Variants in ROR1 observed in about 807,000 individuals in gnomAD.
ROR1 encodes inactive tyrosine-protein kinase transmembrane receptor ROR1.
In ROR1, 19 loss-of-function variants were observed where a neutral mutation model predicts 78.8. The ratio of observed to expected loss-of-function variants is 0.24; its 90% CI spans 0.17 to 0.35. The LOEUF (loss-of-function observed/expected upper bound fraction) is 0.35, where lower values mean the gene tolerates loss of function less well. Ranked by LOEUF, ROR1 falls within the 10% of genes least tolerant of loss-of-function variation. The pLI, the probability that ROR1 is intolerant of heterozygous loss-of-function variation, is 1.00. For missense variants in ROR1, 917 were observed against 1,177.8 expected (o/e 0.78, Z 3.24); for synonymous variants, 386 against 433.6 (o/e 0.89, Z 1.36).
chr1:63,815,484 C>CTTTTTTTTTTTTTTTTTTTTTTTTTTTT (rs34749985), intron 1 of ROR1, among the ~76,000 whole-genome samples: 1 of 85,348 alleles, frequency 1.2e-5, no homozygotes, highest in Non-Finnish European at 2.2e-5. Context: ...TTTTCTTTTT[C>CTTTTTTTTTTTTTTTTTTTTTTTTTTTT]TTTTTTTTTT....
intron 1 of ROR1, among the ~76,000 whole-genome samples, chr1:63,975,193 C>T (rs1295562973): frequency 1.3e-5 from 2 of 152,064 alleles, no homozygotes; most frequent in Non-Finnish European, 2.9e-5. Context: ...AAATGGCTGG[C>T]AGAAGGAAGA....
At chr1:64,057,767 A>G (rs540334155) in intron 4 of ROR1, among the ~76,000 whole-genome samples, 1 of 152,322 alleles carries the variant, frequency 6.6e-6, no homozygotes, top group African/African-American at 2.4e-5. Flanking sequence ...AAAACTAGTC[A>G]TCACCTCTTT....
chr1:63,918,500 C>T (rs1160696969), intron 1 of ROR1, among the ~76,000 whole-genome samples: 1 of 152,180 alleles, frequency 6.6e-6, no homozygotes, highest in Non-Finnish European at 1.5e-5. Flanking sequence ...GGGCGTGGTA[C>T]TCTCTAGAGC....
intron 4 of ROR1, among the ~76,000 whole-genome samples, chr1:64,092,053 G>A (rs1050811793): frequency 1.3e-5 from 2 of 151,996 alleles, no homozygotes; most frequent in African/African-American, 2.4e-5. Flanking sequence ...TATGGTGGGT[G>A]GCGGTAGTTG....
chr1:63,881,577 A>G (rs1645323421), intron 1 of ROR1, among the ~76,000 whole-genome samples: 1 of 152,202 alleles, frequency 6.6e-6, no homozygotes, highest in African/African-American at 2.4e-5. Flanking sequence ...AATTAGTGCA[A>G]AAGACTACCT....
intron 1 of ROR1, among the ~76,000 whole-genome samples, chr1:63,836,360 A>T (rs1178338148): frequency 6.6e-6 from 1 of 152,230 alleles, no homozygotes; most frequent in African/African-American, 2.4e-5. Context: ...GGAAAAACTA[A>T]ATTTACGAAC....
At chr1:63,842,686 T>G (rs1645056312) in intron 1 of ROR1, among the ~76,000 whole-genome samples, 1 of 152,114 alleles carries the variant, frequency 6.6e-6, no homozygotes, top group Non-Finnish European at 1.5e-5. Flanking sequence ...CTCCTTCTTT[T>G]TTTTTTTAAT....
intron 1 of ROR1, among the ~76,000 whole-genome samples, chr1:63,964,179 T>C (rs1235109506): frequency 6.6e-6 from 1 of 152,168 alleles, no homozygotes; most frequent in Non-Finnish European, 1.5e-5. Flanking sequence ...TAGGGGCATA[T>C]AGCCACCTAA....
At chr1:63,832,413 G>A (rs1379190607) in intron 1 of ROR1, among the ~76,000 whole-genome samples, 1 of 152,152 alleles carries the variant, frequency 6.6e-6, no homozygotes, top group Non-Finnish European at 1.5e-5. Context: ...CTGCATGGGT[G>A]GGGAGGCCTC....
chr1:63,919,373 T>A (rs908684118), intron 1 of ROR1, among the ~76,000 whole-genome samples: 1 of 152,040 alleles, frequency 6.6e-6, no homozygotes, highest in Admixed American at 6.6e-5. Context: ...CAGCAAAAAA[T>A]TTATTTTGTC....
intron 2 of ROR1, among the ~76,000 whole-genome samples, chr1:64,035,783 G>A (rs1411033554): frequency 2.6e-5 from 4 of 152,090 alleles, no homozygotes; most frequent in Non-Finnish European, 4.4e-5. Flanking sequence ...TCTGGTTCCC[G>A]GCAGCTTTCC....
At chr1:63,809,680 C>T (rs1644849167) in intron 1 of ROR1, among the ~76,000 whole-genome samples, 1 of 152,044 alleles carries the variant, frequency 6.6e-6, no homozygotes. Flanking sequence ...TTTCTCCTTT[C>T]GATTAAAGAA....
intron 4 of ROR1, among the ~76,000 whole-genome samples, chr1:64,051,468 A>AAAAAT (rs1390841113): frequency 9.1e-5 from 12 of 132,074 alleles, no homozygotes; most frequent in Non-Finnish European, 1.6e-4. Context: ...AAAATAAAAT[A>AAAAAT]AAATAAAATA....
At position 64,003,890 on chromosome 1, in the gene ROR1, A is replaced by T. The variant is rs147865356; in HGVS notation, c.92-5415A>T. On this transcript the variant is annotated intron_variant, in intron 1 of 8. Transcript: ENST00000371079. ...TAACACTGAAAACCAACAGTCTCAA[A>T]GCCATCAGCATCTTTGACTGTTTTC... Among the ~76,000 whole-genome samples, 1,029 of 152,362 alleles carry T rather than the reference A, an allele frequency of 6.8e-3. 11 individuals carry two copies. The highest frequency in any genetic ancestry group is 0.024 in the African/African-American group (996 of 41,594).
chr1:63,821,763 C>T (rs1644924778), intron 1 of ROR1, among the ~76,000 whole-genome samples: 1 of 152,154 alleles, frequency 6.6e-6, no homozygotes, highest in African/African-American at 2.4e-5. Context: ...GCAGCTTCAG[C>T]CGTGAGGATA....
chr1:64,080,564 A>G (rs1255088167), intron 4 of ROR1, among the ~76,000 whole-genome samples: 2 of 152,230 alleles, frequency 1.3e-5, no homozygotes, highest in African/African-American at 4.8e-5. Context: ...TTCATGCTGT[A>G]GCAATAAGAA....
At chr1:64,099,929 CCT>C (rs751130290) in intron 4 of ROR1, among the ~76,000 whole-genome samples, 6 of 152,092 alleles carry the variant, frequency 3.9e-5, no homozygotes, top group Non-Finnish European at 7.4e-5. Flanking sequence ...GTGGCGCGTG[CCT>C]GTAGTCCCAG....
chr1:64,177,646 T>G lies in ROR1; in HGVS notation c.1605T>G (p.Ile535Met). Residue 535 changes from isoleucine (I) to methionine (M), a missense_variant, in exon 9 of 9, where the codon ATT becomes ATG. Ile to Met is a conservative substitution (Grantham distance 10). Transcript: ENST00000371079. ...SLMAELHHPN[I>M]VCLLGAVTQE... ...TGGCAGAACTGCACCACCCCAATAT[T>G]GTCTGCCTTCTAGGTGCCGTCACTC... 3 of 1,614,212 alleles carry G rather than the reference T, an allele frequency of 1.9e-6. No individual in the cohort carries two copies. Among genetic ancestry groups the G allele is most frequent in the Non-Finnish European group, 2.5e-6 (3 of 1,180,046 alleles).
At chr1:64,167,253 C>T (rs2100737054) in intron 8 of ROR1, among the ~76,000 whole-genome samples, 1 of 152,272 alleles carries the variant, frequency 6.6e-6, no homozygotes, top group East Asian at 1.9e-4. Flanking sequence ...CTGTCTATTT[C>T]CAGGCAGAAT....
Sources: allele counts gnomAD v4.1 joint callset (sites outside exome capture counted in the v4.1 genomes callset), GRCh38; gene constraint gnomAD v4.1.1; transcripts MANE v1.5; gene names NCBI Gene and HGNC (gene_info 2026-07-23, HGNC 2026-07-21).